Variants in TRIO observed in about 807,000 individuals in gnomAD.
TRIO encodes the protein triple functional domain protein.
Under a neutral mutation model 351.9 loss-of-function variants are expected in TRIO, and 58 were observed. That is an observed-to-expected ratio of 0.16 (90% CI 0.13 to 0.21). The LOEUF is 0.21. Ranked by LOEUF, TRIO falls within the 10% of genes least tolerant of loss-of-function variation. TRIO has a pLI of 1.00. For missense variants in TRIO, 3,201 were observed against 4,027.8 expected (o/e 0.79, Z 5.56); for synonymous variants, 1,758 against 1,595.7 (o/e 1.10, Z -2.42).
Position 14,330,481 on chromosome 5 carries a change from A to C in TRIO, c.1732-297A>C, listed in dbSNP as rs1740810431. 6.6e-5 allele frequency among the ~76,000 whole-genome samples: 10 copies of C among 152,364 alleles called. 1 individual carries two copies. The highest frequency in any genetic ancestry group is 6.5e-4 in the Admixed American group (10 of 15,304). On this transcript the variant is annotated intron_variant, in intron 9 of 56. Coordinates refer to ENST00000344204, the MANE Select transcript of TRIO (RefSeq NM_007118.4). ...TCAGTTTGGTGGCCCAGTGGTGCAT[A>C]GATAAGTTGAGATTTAATTTAATCA...
chr5:14,242,693 G>A (rs1425688401), intron 1 of TRIO, among the ~76,000 whole-genome samples: 3 of 152,302 alleles, frequency 2.0e-5, no homozygotes, highest in Non-Finnish European at 4.4e-5. Context: ...TCCCACCTCA[G>A]CCTCCCGAGT....
rs544240366 is a variant in TRIO, at chr5:14,454,284, G to A, written c.5204-6735G>A. ...CAGTTCTGTCCTGAGCCCCCACCCCGACACTGCTTTACATGACAGGCAGTG... is the reference window on the plus strand; with the variant it reads ...CAGTTCTGTCCTGAGCCCCCACCCCAACACTGCTTTACATGACAGGCAGTG... On this transcript the variant is annotated intron_variant, in intron 34 of 56. Coordinates refer to ENST00000344204, the MANE Select transcript of TRIO (RefSeq NM_007118.4). 7.9e-5 allele frequency among the ~76,000 whole-genome samples: 12 copies of A among 152,168 alleles called. No homozygotes were observed. The South Asian group carries it at 2.5e-3, about 32-fold the overall frequency.
chr5:14,390,673 AAG>A (rs532725798), intron 26 of TRIO, among the ~76,000 whole-genome samples: 6 of 152,268 alleles, frequency 3.9e-5, no homozygotes, highest in South Asian at 4.2e-4. Context: ...TGACTGTGGA[AAG>A]AGAGGACTGG....
intron 1 of TRIO, among the ~76,000 whole-genome samples, chr5:14,201,993 A>G (rs1419120356): frequency 6.6e-6 from 1 of 151,016 alleles, no homozygotes; most frequent in African/African-American, 2.4e-5. Context: ...GGGGAGGGAT[A>G]GCATTAGGAG....
At chr5:14,490,825 T>C in intron 48 of TRIO, 1 of 456,100 alleles carries the variant, frequency 2.2e-6, no homozygotes, top group Non-Finnish European at 4.4e-6. Context: ...GCAGAAGTTG[T>C]TTTTTGTTTA....
intron 1 of TRIO, among the ~76,000 whole-genome samples, chr5:14,145,893 A>G (rs2152112195): frequency 6.6e-6 from 1 of 152,136 alleles, no homozygotes; most frequent in East Asian, 1.9e-4. Flanking sequence ...GCTCCTGTTC[A>G]TGTTCCGTTT....
At chr5:14,432,989 T>C (rs542991455) in intron 34 of TRIO, among the ~76,000 whole-genome samples, 9 of 152,222 alleles carry the variant, frequency 5.9e-5, no homozygotes, top group Non-Finnish European at 1.2e-4. Flanking sequence ...GTTAGCTACA[T>C]GGCTCTTAAT....
At chr5:14,152,650 G>A (rs889466615) in intron 1 of TRIO, among the ~76,000 whole-genome samples, 8 of 152,204 alleles carry the variant, frequency 5.3e-5, no homozygotes, top group East Asian at 1.9e-4. Flanking sequence ...GATTACAGGC[G>A]TGAGCCACTG....
chr5:14,150,439 C>T (rs1787761491), intron 1 of TRIO, among the ~76,000 whole-genome samples: 1 of 151,414 alleles, frequency 6.6e-6, no homozygotes, highest in Non-Finnish European at 1.5e-5. Context: ...CACACACACA[C>T]CGTTTAACTG....
At chr5:14,492,498 G>A in intron 48 of TRIO, 69 bp from the exon 49 acceptor site, 1 of 1,578,432 alleles carries the variant, frequency 6.3e-7, no homozygotes, top group Non-Finnish European at 8.6e-7. Flanking sequence ...ACTGACAAGG[G>A]ATTTCATGTG....
Position 14,406,604 on chromosome 5 carries a change from G to A in TRIO, c.4891G>A (p.Gly1631Ser), listed in dbSNP as rs1266639450. 6.2e-7 allele frequency: 1 copy of A among 1,613,940 alleles called. No individual in the cohort carries two copies. The highest frequency in any genetic ancestry group is 1.3e-5 in the African/African-American group (1 of 74,904). ...DGEDLDSQGDGSSQPDTISIA... is the reference protein window; with the variant it reads ...DGEDLDSQGDSSSQPDTISIA... ...AGAGGATCTGGACAGCCAAGGAGACGGCAGCAGCCAGCCTGATACGATTTC... is the reference window on the plus strand; with the variant it reads ...AGAGGATCTGGACAGCCAAGGAGACAGCAGCAGCCAGCCTGATACGATTTC... The change falls in exon 33 of 57, where the codon GGC (glycine) becomes AGC (serine). Residue 1631 changes from glycine (G) to serine (S), a missense_variant. Gly to Ser is a moderately conservative substitution (Grantham distance 56, BLOSUM62 0). Transcript: ENST00000344204.
rs540921917 is a variant in TRIO, at chr5:14,419,837, C to T, written c.5019C>T (p.Asn1673=). 142 of 1,614,236 alleles carry T rather than the reference C, an allele frequency of 8.8e-5. 1 individual carries two copies. Among genetic ancestry groups the T allele is most frequent in the South Asian group, 8.7e-4 (79 of 91,088 alleles). Residue 1673 remains asparagine, a synonymous_variant, in exon 34 of 57, where the codon AAC becomes AAT. Coordinates refer to ENST00000344204, the MANE Select transcript of TRIO (RefSeq NM_007118.4). ...VIHDFTACNS[N]ELTIRRGQTV... ...ATGACTTCACCGCTTGCAACAGCAA[C>T]GAGCTGACCATCCGACGGGGCCAGA... is the stretch of plus-strand genomic sequence containing the variant.
At chr5:14,285,390 C>T (rs571697979) in intron 3 of TRIO, among the ~76,000 whole-genome samples, 2 of 152,086 alleles carry the variant, frequency 1.3e-5, no homozygotes, top group South Asian at 4.2e-4. Context: ...TCTAACCATA[C>T]AGGCATTTTT....
intron 1 of TRIO, among the ~76,000 whole-genome samples, chr5:14,168,409 A>G (rs1788903606): frequency 6.6e-6 from 1 of 152,264 alleles, no homozygotes; most frequent in African/African-American, 2.4e-5. Flanking sequence ...TACATTACTC[A>G]TATTTTTAAA....
At chr5:14,353,539 A>C (rs1743332914) in intron 11 of TRIO, among the ~76,000 whole-genome samples, 1 of 152,126 alleles carries the variant, frequency 6.6e-6, no homozygotes, top group African/African-American at 2.4e-5. Context: ...TGGGAAATAC[A>C]GGCGTGAACC....
chr5:14,332,755 C>T (rs1205590414), intron 10 of TRIO, among the ~76,000 whole-genome samples: 3 of 152,192 alleles, frequency 2.0e-5, no homozygotes, highest in Non-Finnish European at 2.9e-5. Flanking sequence ...TGGAAAACTT[C>T]ATCTCTCGGA....
chr5:14,152,355 AGTTTTTTTGTTT>A (rs1404483104), intron 1 of TRIO, among the ~76,000 whole-genome samples: 6 of 140,174 alleles, frequency 4.3e-5, no homozygotes, highest in Non-Finnish European at 7.9e-5. Flanking sequence ...GATGTATTTC[AGTTTTTTTGTTT>A]GTTTGTTTGT....
In TRIO at chr5:14,304,240, G is replaced by A. The variant is rs429406; in HGVS notation, c.1369-221G>A. Among the ~76,000 whole-genome samples, 1,972 of 152,272 alleles carry A rather than the reference G, an allele frequency of 0.013. 42 individuals are homozygous for A. The highest frequency in any genetic ancestry group is 0.045 in the African/African-American group (1,862 of 41,550). On this transcript the variant is annotated intron_variant, in intron 7 of 56. Coordinates refer to ENST00000344204, the MANE Select transcript of TRIO (RefSeq NM_007118.4). Reference sequence around the variant, plus strand: ...GTCAGTTGAGGCATTCATCTGAAATGTGGATTCCTCGGACTCACCCCAGTC... The same window carrying A: ...GTCAGTTGAGGCATTCATCTGAAATATGGATTCCTCGGACTCACCCCAGTC...
Position 14,392,909 on chromosome 5 carries a change from G to A in TRIO, c.4219-1129G>A, listed in dbSNP as rs374493885. Among the ~76,000 whole-genome samples, 65 of 152,100 alleles carry A rather than the reference G, an allele frequency of 4.3e-4. No homozygotes were observed. In the East Asian group the frequency reaches 6.0e-3, roughly 14 times the overall value. ...AAAATACAAAAAAAATTAGCCGAGCGTGGTGGCGGGCACCTGTATCCCAGC... is the reference window on the plus strand; with the variant it reads ...AAAATACAAAAAAAATTAGCCGAGCATGGTGGCGGGCACCTGTATCCCAGC... On this transcript the variant is annotated intron_variant, in intron 27 of 56. Transcript: ENST00000344204.
Sources: gnomAD v4.1 joint callset for allele counts (sites outside exome capture counted in the v4.1 genomes callset) on GRCh38, gnomAD v4.1.1 for gene constraint, MANE v1.5 for transcripts, NCBI Gene and HGNC (gene_info 2026-07-23, HGNC 2026-07-21) for gene names.